DLG2: variants seen among roughly 807,000 people sequenced by gnomAD.
The protein encoded by DLG2 is discs large MAGUK scaffold protein 2.
Under a neutral mutation model 132.5 loss-of-function variants are expected in DLG2, and 45 were observed. The observed-to-expected ratio is 0.34, with a 90% CI of 0.27 to 0.44. The LOEUF is 0.44. Among genes scored for constraint, DLG2 ranks in the 20% least tolerant of loss-of-function variants. The pLI, the probability that DLG2 is intolerant of heterozygous loss-of-function variation, is 1.00. For missense variants in DLG2, 1,045 were observed against 1,196.9 expected (o/e 0.87, Z 1.87); for synonymous variants, 424 against 419.6 (o/e 1.01, Z -0.13).
At chr11:84,615,277 G>C (rs569175560) in intron 6 of DLG2, among the ~76,000 whole-genome samples, 1 of 152,094 alleles carries the variant, frequency 6.6e-6, no homozygotes, top group East Asian at 1.9e-4. Context: ...AAGTAACATT[G>C]ATCAATACCT....
chr11:85,485,776 C>T (rs573552826), intron 3 of DLG2, among the ~76,000 whole-genome samples: 2 of 152,282 alleles, frequency 1.3e-5, no homozygotes, highest in South Asian at 2.1e-4. Flanking sequence ...ACCAAGATGT[C>T]GCTCCAGACG....
At chr11:85,552,418 C>A (rs2076716936) in intron 3 of DLG2, among the ~76,000 whole-genome samples, 1 of 151,506 alleles carries the variant, frequency 6.6e-6, no homozygotes, top group Non-Finnish European at 1.5e-5. Context: ...CACCTGAGGA[C>A]TTTTCACTTA....
chr11:84,535,151 C>A (rs144317740), intron 6 of DLG2, among the ~76,000 whole-genome samples: 2 of 152,292 alleles, frequency 1.3e-5, no homozygotes, highest in Admixed American at 1.3e-4. Flanking sequence ...TCCAATATAT[C>A]CCATTTAGAA....
intron 3 of DLG2, among the ~76,000 whole-genome samples, chr11:85,548,140 T>C (rs992189093): frequency 6.6e-6 from 1 of 152,230 alleles, no homozygotes; most frequent in African/African-American, 2.4e-5. Flanking sequence ...CCTTTGGTCT[T>C]TGAAGTCGGT....
At chr11:85,414,526 T>C (rs1316316269) in intron 3 of DLG2, among the ~76,000 whole-genome samples, 1 of 152,124 alleles carries the variant, frequency 6.6e-6, no homozygotes, top group East Asian at 1.9e-4. Flanking sequence ...ATATAGTCCA[T>C]CTTGGAGAAA....
intron 3 of DLG2, among the ~76,000 whole-genome samples, chr11:85,362,588 A>G (rs1596531203): frequency 6.6e-6 from 1 of 151,580 alleles, no homozygotes; most frequent in South Asian, 2.1e-4. Flanking sequence ...CTCTTTTCCA[A>G]TTTGGATGCC....
chr11:83,955,272 A>G (rs1341547070), intron 14 of DLG2, among the ~76,000 whole-genome samples: 1 of 152,176 alleles, frequency 6.6e-6, no homozygotes, highest in Non-Finnish European at 1.5e-5. Flanking sequence ...ACAGCTAGGA[A>G]ATGGTGTGAT....
chr11:84,870,664 T>A (rs181887211), intron 6 of DLG2, among the ~76,000 whole-genome samples: 1 of 152,210 alleles, frequency 6.6e-6, no homozygotes, highest in Non-Finnish European at 1.5e-5. Flanking sequence ...TTTACATATA[T>A]TCATCACTGT....
intron 7 of DLG2, among the ~76,000 whole-genome samples, chr11:84,322,606 T>TC (rs2098410694): frequency 6.6e-6 from 1 of 151,774 alleles, no homozygotes. Flanking sequence ...ATTTTTTTTT[T>TC]TTTGAGACAG....
At chr11:84,525,706 TA>T (rs1219985499) in intron 7 of DLG2, among the ~76,000 whole-genome samples, 1 of 152,198 alleles carries the variant, frequency 6.6e-6, no homozygotes, top group Non-Finnish European at 1.5e-5. Context: ...CACCCCTCAT[TA>T]CCTACAAGGT....
intron 6 of DLG2, among the ~76,000 whole-genome samples, chr11:85,025,910 A>ATTTAT (rs1251735673): frequency 6.6e-6 from 1 of 151,882 alleles, no homozygotes; most frequent in Non-Finnish European, 1.5e-5. Context: ...TTAGATACAC[A>ATTTAT]TGATTATCTA....
At chr11:83,500,864 G>T (rs1343725759) in intron 21 of DLG2, among the ~76,000 whole-genome samples, 1 of 151,946 alleles carries the variant, frequency 6.6e-6, no homozygotes, top group Admixed American at 6.6e-5. Flanking sequence ...TTGCCAATTT[G>T]TGCATCATTC....
intron 6 of DLG2, chr11:84,923,677 AT>A: frequency 2.8e-6 from 2 of 713,034 alleles, no homozygotes; most frequent in Non-Finnish European, 3.4e-6. Flanking sequence ...TGTTTGGCAA[AT>A]ACTACAAATC....
At chr11:84,495,955 G>C (rs1314328712) in intron 7 of DLG2, among the ~76,000 whole-genome samples, 1 of 152,122 alleles carries the variant, frequency 6.6e-6, no homozygotes, top group African/African-American at 2.4e-5. Context: ...GTGGCTTTCA[G>C]GTCCAGAGCA....
rs186716119 is a variant in DLG2, at chr11:84,178,230, G to C, written c.574-14719C>G. Among the ~76,000 whole-genome samples the C allele has an allele frequency of 1.4e-4, 22 of 152,270 alleles. 1 individual carries two copies. Among genetic ancestry groups the C allele is most frequent in the African/African-American group, 5.1e-4 (21 of 41,580 alleles). Reference sequence around the variant, plus strand: ...CCATGCATAGTTTTTGAAAACAATAGTGATTTCAGTGGCAAACTTCAGGGA... The same window carrying C: ...CCATGCATAGTTTTTGAAAACAATACTGATTTCAGTGGCAAACTTCAGGGA... On this transcript the variant is annotated intron_variant, in intron 8 of 27. Coordinates refer to ENST00000376104, the MANE Select transcript of DLG2 (RefSeq NM_001142699.3).
At chr11:85,072,815 T>C (rs1040214440) in intron 6 of DLG2, among the ~76,000 whole-genome samples, 1 of 151,846 alleles carries the variant, frequency 6.6e-6, no homozygotes, top group African/African-American at 2.4e-5. Context: ...AAATGCCATC[T>C]ACAAATCTGG....
rs148192600 is a variant in DLG2, at chr11:85,396,857, A to G, written c.41-111492T>C. The stretch of plus-strand genomic sequence containing the variant: ...GAACCAAGTTAGAAAACACTCTTCA[A>G]GATATTATTCAGGACAACTTCCCTA... On this transcript the variant is annotated intron_variant, in intron 3 of 27. Coordinates refer to ENST00000376104, the MANE Select transcript of DLG2 (RefSeq NM_001142699.3). 2.9e-3 allele frequency among the ~76,000 whole-genome samples: 443 copies of G among 152,222 alleles called. 1 individual carries two copies. The highest frequency in any genetic ancestry group is 0.01 in the African/African-American group (429 of 41,558).
intron 7 of DLG2, among the ~76,000 whole-genome samples, chr11:84,370,525 G>A (rs2098701908): frequency 6.6e-6 from 1 of 152,132 alleles, no homozygotes; most frequent in Non-Finnish European, 1.5e-5. Context: ...AGGATTTTGG[G>A]GAGAGTTGAC....
At chr11:83,724,257 G>T (rs1245449103) in intron 18 of DLG2, among the ~76,000 whole-genome samples, 1 of 152,136 alleles carries the variant, frequency 6.6e-6, no homozygotes, top group Admixed American at 6.5e-5. Context: ...CAACATTCAA[G>T]TCTGTCTGGT....
Sources: gnomAD v4.1 joint callset for allele counts (sites outside exome capture counted in the v4.1 genomes callset) on GRCh38, gnomAD v4.1.1 for gene constraint, MANE v1.5 for transcripts, NCBI Gene and HGNC (gene_info 2026-07-23, HGNC 2026-07-21) for gene names.